The following UCMA variants were observed in gnomAD, a reference collection of about 807,000 sequenced individuals.
The protein encoded by UCMA is upper zone of growth plate and cartilage matrix-associated protein.
UCMA carries 21 observed loss-of-function variants against 21.8 expected under a neutral mutation model. That is an observed-to-expected ratio of 0.97 (90% CI 0.68 to 1.39). The LOEUF (loss-of-function observed/expected upper bound fraction) is 1.39, where lower values mean the gene tolerates loss of function less well. UCMA is among the 40% of genes most tolerant of loss of function. The probability of loss-of-function intolerance (pLI) is 0.00; values close to 1 mark genes in which losing one functional copy is unlikely to be tolerated. For synonymous variants in UCMA, 76 were observed against 67.9 expected (o/e 1.12, Z -0.58); for missense variants, 193 against 178.9 (o/e 1.08, Z -0.45).
chr10:13,231,522 G>C (rs932756384), intron 3 of UCMA, among the ~76,000 whole-genome samples: 4 of 152,148 alleles, frequency 2.6e-5, no homozygotes, highest in Non-Finnish European at 4.4e-5. Flanking sequence ...AGGTGCGGGG[G>C]CTTAGGGTTT....
intron 4 of UCMA, among the ~76,000 whole-genome samples, chr10:13,227,198 T>G (rs1834833464): frequency 6.6e-6 from 1 of 152,214 alleles, no homozygotes; most frequent in Admixed American, 6.5e-5. Context: ...GGGCATAGCC[T>G]GCAGCACCTG....
intron 4 of UCMA, among the ~76,000 whole-genome samples, chr10:13,222,599 A>G (rs1834772411): frequency 6.6e-6 from 1 of 152,190 alleles, no homozygotes; most frequent in South Asian, 2.1e-4. Flanking sequence ...ACTACAAACC[A>G]TGCCTTGAAA....
rs777895230 is a variant in UCMA at position 13,233,771 on chromosome 10, C to T, written c.88G>A (p.Gly30Ser). ...TCTTCTCCCGCCATCTGCATGGTGC[C>T]CACAGATACACTGGTTCCCTCTCTC... ...MLREGTSVSV[G>S]TMQMAGEEAS... Residue 30 changes from glycine to serine, a missense_variant, in exon 2 of 5, where the codon GGC becomes AGC. Physicochemically the swap from Gly to Ser is moderately conservative, Grantham distance 56. Transcript: ENST00000378681. 4.3e-6 allele frequency: 7 copies of T among 1,613,902 alleles called. No homozygotes were observed. The highest frequency in any genetic ancestry group is 3.3e-4 in the Middle Eastern group (2 of 6,062).
intron 4 of UCMA, among the ~76,000 whole-genome samples, chr10:13,223,789 T>C (rs1021857907): frequency 1.7e-4 from 26 of 151,906 alleles, no homozygotes; most frequent in African/African-American, 4.6e-4. Context: ...TGACCTCAAG[T>C]GATCGAACTG....
At chr10:13,233,914 C>A in intron 1 of UCMA, 114 bp from the exon 2 acceptor site, 1 of 1,342,880 alleles carries the variant, frequency 7.4e-7, no homozygotes, top group Non-Finnish European at 1.0e-6. Context: ...TGGCAGGGGG[C>A]CCGTGGTTTC....
At chr10:13,224,910 A>T (rs1289159302) in intron 4 of UCMA, among the ~76,000 whole-genome samples, 1 of 152,174 alleles carries the variant, frequency 6.6e-6, no homozygotes, top group Non-Finnish European at 1.5e-5. Flanking sequence ...GCCCAGGGGC[A>T]GCCTGGAGCT....
At chr10:13,232,371 CAAAAAAAAA>C (rs34527224) in intron 3 of UCMA, among the ~76,000 whole-genome samples, 6 of 69,586 alleles carry the variant, frequency 8.6e-5, no homozygotes, top group Non-Finnish European at 1.3e-4. Context: ...GACTCCATCT[CAAAAAAAAA>C]AAAAAAAAAA....
chr10:13,226,495 T>C (rs1834825422), intron 4 of UCMA, among the ~76,000 whole-genome samples: 1 of 152,176 alleles, frequency 6.6e-6, no homozygotes, highest in Non-Finnish European at 1.5e-5. Flanking sequence ...TTGAAAAATT[T>C]TTTTTCTTTT....
At chr10:13,225,786 C>A (rs571467017) in intron 4 of UCMA, among the ~76,000 whole-genome samples, 1 of 151,720 alleles carries the variant, frequency 6.6e-6, no homozygotes, top group Non-Finnish European at 1.5e-5. Flanking sequence ...GGAAGTCAGA[C>A]GCCTTGAGCA....
chr10:13,224,397 GA>G (rs138069192), intron 4 of UCMA, among the ~76,000 whole-genome samples: 14,303 of 150,692 alleles, frequency 0.095, 864 homozygotes, highest in Middle Eastern at 0.17. Context: ...GAAAGAAAGA[GA>G]AAAAAAGAGA....
chr10:13,230,769 A>G (rs1014331321), intron 3 of UCMA, among the ~76,000 whole-genome samples: 2 of 152,294 alleles, frequency 1.3e-5, no homozygotes, highest in Admixed American at 1.3e-4. Context: ...ATTGGAAACC[A>G]TCTCAGGCCG....
intron 4 of UCMA, among the ~76,000 whole-genome samples, chr10:13,224,785 G>T (rs1277773084): frequency 1.3e-5 from 2 of 152,190 alleles, no homozygotes; most frequent in African/African-American, 4.8e-5. Flanking sequence ...GCTGGGTGCA[G>T]GGCCCAGTGA....
chr10:13,227,714 CAA>C (rs56236207), intron 4 of UCMA, among the ~76,000 whole-genome samples: 4 of 53,546 alleles, frequency 7.5e-5, no homozygotes, highest in Non-Finnish European at 1.0e-4. Context: ...GAGACTGTCT[CAA>C]AAAAAAAAAA....
chr10:13,234,217 G>A lies in UCMA; in HGVS notation c.42C>T (p.Ala14=), dbSNP rs748011436. The A allele has an allele frequency of 3.0e-5, 49 of 1,613,160 alleles. No individual in the cohort carries two copies. Among genetic ancestry groups the A allele is most frequent in the Admixed American group, 1.8e-4 (11 of 59,906 alleles). ...TGTACTCACTAGACAGGAGCACCAC[G>A]GCGGAGAAGCAAGACAGCAGGACGG... ...RQAVLLSCFS[A]VVLLSMLREG... The change falls in exon 1 of 5, where the codon GCC becomes GCT. Residue 14 remains alanine, a synonymous_variant. Coordinates refer to ENST00000378681, the MANE Select transcript of UCMA (RefSeq NM_145314.3).
chr10:13,233,794 C>T lies in UCMA; in HGVS notation c.65G>A (p.Arg22Lys). Residue 22 changes from arginine to lysine, a missense_variant, in exon 2 of 5, where the codon AGA becomes AAA. Arg to Lys is a conservative substitution (Grantham distance 26, BLOSUM62 2). Transcript: ENST00000378681. ...GCCCACAGATACACTGGTTCCCTCTCTCAGCACTGCAGGACAAGGGCACAG... is the reference window on the plus strand; with the variant it reads ...GCCCACAGATACACTGGTTCCCTCTTTCAGCACTGCAGGACAAGGGCACAG... The part of the protein sequence containing the change: ...FSAVVLLSML[R>K]EGTSVSVGTM... The T allele has an allele frequency of 6.2e-7, 1 of 1,613,828 alleles. No homozygotes were observed. Among genetic ancestry groups the T allele is most frequent in the Non-Finnish European group, 8.5e-7 (1 of 1,179,992 alleles).
intron 3 of UCMA, among the ~76,000 whole-genome samples, chr10:13,232,882 A>G (rs1351910920): frequency 6.6e-6 from 1 of 152,052 alleles, no homozygotes; most frequent in African/African-American, 2.4e-5. Context: ...GGGGCTCCAC[A>G]GGCCCTACAG....
intron 4 of UCMA, among the ~76,000 whole-genome samples, chr10:13,228,371 A>G (rs1486740116): frequency 1.3e-5 from 2 of 152,118 alleles, no homozygotes; most frequent in Non-Finnish European, 2.9e-5. Context: ...TTTTGCTAGT[A>G]AGGAAAAGAC....
chr10:13,232,569 T>C (rs1392127180), intron 3 of UCMA, among the ~76,000 whole-genome samples: 3 of 152,074 alleles, frequency 2.0e-5, no homozygotes, highest in Admixed American at 6.6e-5. Flanking sequence ...CTGGAGGTTT[T>C]CCTAGCACGG....
chr10:13,234,238 G>A lies in UCMA; in HGVS notation c.21C>T (p.Val7=). 1 of 1,613,890 alleles carries A rather than the reference G, an allele frequency of 6.2e-7. No individual in the cohort carries two copies. The highest frequency in any genetic ancestry group is 8.5e-7 in the Non-Finnish European group (1 of 1,179,980). The change falls in exon 1 of 5, where the codon GTC becomes GTT. Residue 7 remains valine (V), a synonymous_variant. Transcript: ENST00000378681. Reference sequence around the variant, plus strand: ...CCACGGCGGAGAAGCAAGACAGCAGGACGGCCTGTCTCCAAGTCATCTTTG... The same window carrying A: ...CCACGGCGGAGAAGCAAGACAGCAGAACGGCCTGTCTCCAAGTCATCTTTG... MTWRQA[V]LLSCFSAVVL...
Sources: allele counts gnomAD v4.1 joint callset (sites outside exome capture counted in the v4.1 genomes callset), GRCh38; gene constraint gnomAD v4.1.1; transcripts MANE v1.5; gene names NCBI Gene and HGNC (gene_info 2026-07-23, HGNC 2026-07-21).